Variants in PHACTR1 observed in about 807,000 individuals in gnomAD.
PHACTR1 encodes the protein RPEL repeat containing 1.
PHACTR1 carries 16 observed loss-of-function variants against 69.2 expected under a neutral mutation model. The observed-to-expected ratio is 0.23, with a 90% CI of 0.16 to 0.35. The LOEUF (loss-of-function observed/expected upper bound fraction) is 0.35. Ranked by LOEUF, PHACTR1 falls within the 10% of genes least tolerant of loss-of-function variation. PHACTR1 has a pLI of 1.00. For synonymous variants in PHACTR1, 312 were observed against 284.5 expected (o/e 1.10, Z -0.97); for missense variants, 510 against 734.7 (o/e 0.69, Z 3.54).
chr6:13,175,928 A>C (rs9463505), intron 6 of PHACTR1, among the ~76,000 whole-genome samples: 9,242 of 152,126 alleles, frequency 0.061, 761 homozygotes, highest in African/African-American at 0.18. Context: ...CAACTGGGAA[A>C]GTCTGAGTCT....
chr6:13,224,077 A>G (rs1313774691), intron 8 of PHACTR1, among the ~76,000 whole-genome samples: 2 of 152,174 alleles, frequency 1.3e-5, no homozygotes, highest in Admixed American at 1.3e-4. Flanking sequence ...GCCCATATTT[A>G]TTTCATTCGG....
intron 5 of PHACTR1, among the ~76,000 whole-genome samples, chr6:13,097,155 G>T (rs1171284727): frequency 2.6e-5 from 4 of 152,048 alleles, no homozygotes; most frequent in Non-Finnish European, 4.4e-5. Context: ...TTATAGACAG[G>T]GTCAGTTTGA....
intron 3 of PHACTR1, among the ~76,000 whole-genome samples, chr6:12,742,237 A>C (rs1441249765): frequency 6.6e-6 from 1 of 152,262 alleles, no homozygotes; most frequent in East Asian, 1.9e-4. Context: ...AGGGTGGATT[A>C]TTCATGAGTT....
intron 4 of PHACTR1, among the ~76,000 whole-genome samples, chr6:12,782,567 T>C (rs766114207): frequency 6.6e-6 from 1 of 152,244 alleles, no homozygotes; most frequent in Non-Finnish European, 1.5e-5. Context: ...AAATCTATTA[T>C]TTTACATTTT....
chr6:12,930,372 C>A (rs1042355974), intron 4 of PHACTR1, among the ~76,000 whole-genome samples: 1 of 152,140 alleles, frequency 6.6e-6, no homozygotes, highest in Admixed American at 6.6e-5. Flanking sequence ...GTGTGGAGAA[C>A]CTCTTTGGGG....
At position 13,200,219 on chromosome 6, in the gene PHACTR1, T is replaced by C. The variant is rs1327455269; in HGVS notation, c.665-5596T>C. The stretch of plus-strand genomic sequence containing the variant: ...ATATGCTGAGCATTTGGGAAGAATC[T>C]TTTTTTTTTGAGATGGAGTCTCACT... On this transcript the variant is annotated intron_variant, in intron 7 of 14. Transcript: ENST00000332995. Among the ~76,000 whole-genome samples, 16 of 91,932 alleles carry C rather than the reference T, an allele frequency of 1.7e-4. No homozygotes were observed. The Admixed American group carries it at 1.9e-3, about 11-fold the overall frequency. 60.3% of individuals were successfully genotyped at this position (91,932 alleles called of 152,430 possible). A position where few individuals can be genotyped will look rare whatever the true frequency, so the allele number is the denominator to read the frequency against.
chr6:12,781,705 T>C (rs549244756), intron 4 of PHACTR1, among the ~76,000 whole-genome samples: 1 of 152,300 alleles, frequency 6.6e-6, no homozygotes, highest in East Asian at 1.9e-4. Flanking sequence ...CACGTCACCA[T>C]GTTAGAGGCA....
chr6:13,033,171 A>G (rs1387470797), intron 4 of PHACTR1, among the ~76,000 whole-genome samples: 1 of 152,242 alleles, frequency 6.6e-6, no homozygotes, highest in Non-Finnish European at 1.5e-5. Flanking sequence ...ATTAGGAATT[A>G]CACAAAATTG....
intron 4 of PHACTR1, among the ~76,000 whole-genome samples, chr6:12,861,276 C>A (rs893657755): frequency 1.3e-5 from 2 of 152,152 alleles, no homozygotes; most frequent in Non-Finnish European, 2.9e-5. Context: ...ACAAGTCACC[C>A]AACGCTACTA....
intron 10 of PHACTR1, among the ~76,000 whole-genome samples, chr6:13,258,282 G>A (rs1025951466): frequency 4.0e-5 from 6 of 151,830 alleles, no homozygotes; most frequent in African/African-American, 1.5e-4. Context: ...TTGAACCTGG[G>A]AGGCGGAGGT....
At chr6:12,956,231 C>T (rs539625313) in intron 4 of PHACTR1, among the ~76,000 whole-genome samples, 4 of 152,156 alleles carry the variant, frequency 2.6e-5, no homozygotes, top group Admixed American at 1.3e-4. Context: ...GATTGGGAGC[C>T]GAGAGCTATG....
At chr6:13,198,866 C>A (rs1764796707) in intron 7 of PHACTR1, among the ~76,000 whole-genome samples, 1 of 152,162 alleles carries the variant, frequency 6.6e-6, no homozygotes, top group African/African-American at 2.4e-5. Context: ...TTATCTTATA[C>A]TTTTTAGACC....
Position 12,884,680 on chromosome 6 carries a change from C to T in PHACTR1, c.250+134890C>T, listed in dbSNP as rs116031767. ...CCTCCCAAAGGGGTGGGGTTACAGG[C>T]GTAAGCCACCGCGCCCGGCCTTTGG... On this transcript the variant is annotated intron_variant, in intron 4 of 14. Transcript: ENST00000332995. Among the ~76,000 whole-genome samples the T allele has an allele frequency of 8.6e-3, 1,306 of 152,250 alleles. 22 individuals carry two copies. Among genetic ancestry groups the T allele is most frequent in the African/African-American group, 0.029 (1,223 of 41,534 alleles).
At chr6:13,187,666 A>G (rs997731304) in intron 7 of PHACTR1, among the ~76,000 whole-genome samples, 4 of 152,208 alleles carry the variant, frequency 2.6e-5, no homozygotes, top group Non-Finnish European at 5.9e-5. Flanking sequence ...TTGAAGGCCT[A>G]TCAGAGAAGC....
At chr6:13,280,708 C>T (rs935341356) in intron 12 of PHACTR1, 12 of 330,236 alleles carry the variant, frequency 3.6e-5, no homozygotes, top group Non-Finnish European at 7.2e-5. Context: ...AAATTACATG[C>T]TTTGTCTTTT....
chr6:13,032,257 G>A (rs1802550379), intron 4 of PHACTR1, among the ~76,000 whole-genome samples: 1 of 152,176 alleles, frequency 6.6e-6, no homozygotes, highest in South Asian at 2.1e-4. Flanking sequence ...GTGGCCCATA[G>A]TATTTTAAAT....
intron 5 of PHACTR1, 76 bp downstream of exon 5, chr6:13,053,605 G>T: frequency 6.7e-7 from 1 of 1,490,752 alleles, no homozygotes; most frequent in Non-Finnish European, 9.0e-7. Context: ...GAATTTAATT[G>T]CAATAGGCTG....
intron 5 of PHACTR1, among the ~76,000 whole-genome samples, chr6:13,083,714 A>G (rs905903302): frequency 6.6e-6 from 1 of 152,064 alleles, no homozygotes; most frequent in Non-Finnish European, 1.5e-5. Context: ...GCAATTGTGA[A>G]TGGGAGTTCA....
intron 4 of PHACTR1, among the ~76,000 whole-genome samples, chr6:12,992,531 G>T (rs1202369958): frequency 6.6e-6 from 1 of 152,150 alleles, no homozygotes; most frequent in Admixed American, 6.5e-5. Flanking sequence ...TCTTATCTGT[G>T]TCTTGGACAC....
Sources: allele counts gnomAD v4.1 joint callset (sites outside exome capture counted in the v4.1 genomes callset), GRCh38; gene constraint gnomAD v4.1.1; transcripts MANE v1.5; gene names NCBI Gene and HGNC (gene_info 2026-07-23, HGNC 2026-07-21).